Variants in FUT8 observed in about 807,000 individuals in gnomAD.
FUT8 encodes alpha-(1,6)-fucosyltransferase.
Under a neutral mutation model 71.3 loss-of-function variants are expected in FUT8, and 29 were observed. That is an observed-to-expected ratio of 0.41 (90% CI 0.30 to 0.55). FUT8 has a LOEUF of 0.55. Ranked by LOEUF, FUT8 falls within the 20% of genes least tolerant of loss-of-function variation. The pLI, the probability that FUT8 is intolerant of heterozygous loss-of-function variation, is 0.34. For missense variants in FUT8, 544 were observed against 702.1 expected (o/e 0.77, Z 2.55); for synonymous variants, 254 against 239.3 (o/e 1.06, Z -0.57).
chr14:65,414,269 T>C lies in FUT8; in HGVS notation c.-326+1055T>C, dbSNP rs182384489. 2.0e-3 allele frequency among the ~76,000 whole-genome samples: 303 copies of C among 152,200 alleles called. 1 individual carries two copies. Among genetic ancestry groups the C allele is most frequent in the Middle Eastern group, 0.014 (4 of 294 alleles). On this transcript the variant is annotated intron_variant, in intron 1 of 10. Coordinates refer to ENST00000673929, the MANE Select transcript of FUT8 (RefSeq NM_001371533.1). Reference sequence around the variant, plus strand: ...TATGAAAACTGTAGGCAGGTTTCATTATAGATTTTTTTTTTCTTGTTATTC... The same window carrying C: ...TATGAAAACTGTAGGCAGGTTTCATCATAGATTTTTTTTTTCTTGTTATTC...
At chr14:65,554,703 G>A (rs1594765026) in intron 2 of FUT8, among the ~76,000 whole-genome samples, 1 of 152,048 alleles carries the variant, frequency 6.6e-6, no homozygotes. Flanking sequence ...TCCTGCAGTA[G>A]TGGACTGCTT....
intron 3 of FUT8, among the ~76,000 whole-genome samples, chr14:65,566,006 G>C (rs912174395): frequency 2.0e-5 from 3 of 151,718 alleles, no homozygotes; most frequent in African/African-American, 7.3e-5. Flanking sequence ...TCATTTATTT[G>C]CTCTTGATTT....
intron 6 of FUT8, among the ~76,000 whole-genome samples, chr14:65,641,519 TAA>T (rs989784283): frequency 3.9e-5 from 6 of 152,304 alleles, no homozygotes; most frequent in African/African-American, 1.4e-4. Context: ...TTTTCTTGGC[TAA>T]ATACCTAGGA....
At chr14:65,668,142 C>CTATT (rs1222636632) in intron 6 of FUT8, among the ~76,000 whole-genome samples, 4 of 152,082 alleles carry the variant, frequency 2.6e-5, no homozygotes, top group Non-Finnish European at 4.4e-5. Flanking sequence ...CTAGGGAATA[C>CTATT]CATTGTGGAT....
At chr14:65,479,741 G>A (rs946728760) in intron 2 of FUT8, 1 of 151,976 alleles carries the variant, frequency 6.6e-6, no homozygotes, top group Non-Finnish European at 1.5e-5. Flanking sequence ...TGAATTATGG[G>A]GCTAGAAGAT....
At chr14:65,469,170 C>T (rs2066096358) in intron 2 of FUT8, among the ~76,000 whole-genome samples, 1 of 152,102 alleles carries the variant, frequency 6.6e-6, no homozygotes, top group African/African-American at 2.4e-5. Flanking sequence ...CAGTGAGACC[C>T]TGTCTCAAAA....
chr14:65,600,086 A>C (rs1888218321), intron 3 of FUT8, among the ~76,000 whole-genome samples: 1 of 152,208 alleles, frequency 6.6e-6, no homozygotes, highest in Non-Finnish European at 1.5e-5. Flanking sequence ...AGTATTGTAC[A>C]CTTTAGCCAA....
chr14:65,615,417 C>G (rs753589007), intron 3 of FUT8, among the ~76,000 whole-genome samples: 18 of 152,102 alleles, frequency 1.2e-4, no homozygotes, highest in Non-Finnish European at 2.2e-4. Context: ...CAATTTTTTT[C>G]TAATATGTTT....
intron 9 of FUT8, among the ~76,000 whole-genome samples, chr14:65,725,271 A>G (rs2139363679): frequency 6.6e-6 from 1 of 152,272 alleles, no homozygotes; most frequent in Non-Finnish European, 1.5e-5. Context: ...GGTGCTGGGG[A>G]TTTCATGATA....
intron 2 of FUT8, among the ~76,000 whole-genome samples, chr14:65,537,028 A>T (rs1566809710): frequency 6.9e-6 from 1 of 145,060 alleles, no homozygotes; most frequent in Non-Finnish European, 1.5e-5. Flanking sequence ...AAGTTCTATG[A>T]TTTTTTTTCC....
At chr14:65,646,467 T>C (rs768239860) in intron 6 of FUT8, 1 of 152,210 alleles carries the variant, frequency 6.6e-6, no homozygotes, top group African/African-American at 2.4e-5. Context: ...ACAGCAGCTT[T>C]CCATTAAAAA....
chr14:65,701,982 C>A (rs376905007), intron 7 of FUT8, among the ~76,000 whole-genome samples: 6 of 152,328 alleles, frequency 3.9e-5, no homozygotes. Context: ...ATCAGAATGT[C>A]TGGGTTCAAC....
At chr14:65,414,836 G>A (rs1164872280) in intron 1 of FUT8, among the ~76,000 whole-genome samples, 1 of 152,166 alleles carries the variant, frequency 6.6e-6, no homozygotes, top group Admixed American at 6.5e-5. Context: ...CAAGTTGTGA[G>A]TTAACTTGAA....
At chr14:65,552,887 C>A (rs573560856) in intron 2 of FUT8, among the ~76,000 whole-genome samples, 6 of 152,158 alleles carry the variant, frequency 3.9e-5, no homozygotes, top group African/African-American at 1.4e-4. Context: ...CTACACCATT[C>A]GTAATGGTAA....
chr14:65,471,167 C>A, intron 2 of FUT8: 1 of 273,422 alleles, frequency 3.7e-6, no homozygotes, highest in Non-Finnish European at 7.4e-6. Flanking sequence ...ATAGAACTTT[C>A]CCCCTCATCC....
At chr14:65,480,437 A>T (rs1228696872) in intron 2 of FUT8, among the ~76,000 whole-genome samples, 1 of 150,222 alleles carries the variant, frequency 6.7e-6, no homozygotes, top group Non-Finnish European at 1.5e-5. Context: ...CACCTCAGCC[A>T]CCAGAGTAGC....
intron 3 of FUT8, among the ~76,000 whole-genome samples, chr14:65,577,334 T>A (rs1346197945): frequency 6.6e-6 from 1 of 152,162 alleles, no homozygotes; most frequent in African/African-American, 2.4e-5. Flanking sequence ...TCTAGTGAAA[T>A]GAAAGGCCTG....
chr14:65,471,185 C>A, intron 2 of FUT8: 1 of 222,464 alleles, frequency 4.5e-6, no homozygotes, highest in South Asian at 6.4e-5. Flanking sequence ...TCCCTCTGCC[C>A]TCTACCAACT....
chr14:65,672,372 C>G (rs201503774), intron 7 of FUT8, among the ~76,000 whole-genome samples: 1 of 152,142 alleles, frequency 6.6e-6, no homozygotes, highest in East Asian at 1.9e-4. Flanking sequence ...CTGATTCTTC[C>G]ACATAGATTG....
Sources: allele counts gnomAD v4.1 joint callset (sites outside exome capture counted in the v4.1 genomes callset), GRCh38; gene constraint gnomAD v4.1.1; transcripts MANE v1.5; gene names NCBI Gene and HGNC (gene_info 2026-07-23, HGNC 2026-07-21).